The following TNR variants were observed in gnomAD, a reference collection of about 807,000 sequenced individuals.
TNR encodes the protein tenascin-R.
In TNR, 45 loss-of-function variants were observed where a neutral mutation model predicts 150.4. That is an observed-to-expected ratio of 0.30 (90% confidence interval 0.24 to 0.38). TNR has a LOEUF of 0.38. Ranked by LOEUF, TNR falls within the 10% of genes least tolerant of loss-of-function variation. The pLI, the probability that TNR is intolerant of heterozygous loss-of-function variation, is 1.00. For missense variants in TNR, 1,544 were observed against 1,759.1 expected, an observed-to-expected ratio of 0.88 and a Z score of 2.19; for synonymous variants, 687 against 678.4, an observed-to-expected ratio of 1.01 and a Z score of -0.20.
At chr1:175,328,192 T>C (rs1451416015) in intron 21 of TNR, among the ~76,000 whole-genome samples, 4 of 152,220 alleles carry the variant, frequency 2.6e-5, no homozygotes, top group Admixed American at 2.0e-4. Context: ...TTTTTAAAAC[T>C]AGACGATTAG....
At chr1:175,331,041 CTTT>C (rs1649763972) in intron 20 of TNR, among the ~76,000 whole-genome samples, 1 of 75,858 alleles carries the variant, frequency 1.3e-5, no homozygotes, top group Non-Finnish European at 2.8e-5. Flanking sequence ...TTCTTTCTTT[CTTT>C]CTTTCTTTCT....
chr1:175,437,110 T>A (rs1160407102), intron 2 of TNR, among the ~76,000 whole-genome samples: 1 of 152,154 alleles, frequency 6.6e-6, no homozygotes. Context: ...ATTCCAAAAC[T>A]GACCACATAG....
At chr1:175,430,106 T>G (rs1655195294) in intron 2 of TNR, among the ~76,000 whole-genome samples, 1 of 151,372 alleles carries the variant, frequency 6.6e-6, no homozygotes, top group Non-Finnish European at 1.5e-5. Flanking sequence ...ATATTATATC[T>G]ATTATCATTT....
At chr1:175,583,116 G>C (rs10913018) in intron 1 of TNR, among the ~76,000 whole-genome samples, 91 of 152,206 alleles carry the variant, frequency 6.0e-4, no homozygotes, top group African/African-American at 2.0e-3. Flanking sequence ...CAACATGATA[G>C]GTATGGGCAA....
chr1:175,348,042 A>G (rs151279266), intron 18 of TNR, among the ~76,000 whole-genome samples: 1 of 152,320 alleles, frequency 6.6e-6, no homozygotes, highest in Admixed American at 6.5e-5. Context: ...AGAATCAATA[A>G]GAGAGTTCAG....
intron 1 of TNR, among the ~76,000 whole-genome samples, chr1:175,534,967 C>T (rs1435017083): frequency 6.6e-6 from 1 of 152,162 alleles, no homozygotes; most frequent in Non-Finnish European, 1.5e-5. Context: ...TCTCTTGCCA[C>T]CATGTGAAGA....
At chr1:175,596,639 T>C (rs1170650095) in intron 1 of TNR, among the ~76,000 whole-genome samples, 1 of 152,132 alleles carries the variant, frequency 6.6e-6, no homozygotes, top group Non-Finnish European at 1.5e-5. Context: ...AAGAAACAAA[T>C]TCATTATATG....
intron 1 of TNR, among the ~76,000 whole-genome samples, chr1:175,632,147 T>C (rs1664347204): frequency 6.6e-6 from 1 of 152,244 alleles, no homozygotes; most frequent in African/African-American, 2.4e-5. Context: ...AGAGGGGCCA[T>C]TTAATGAGGA....
At chr1:175,371,531 A>G (rs944344070) in intron 9 of TNR, among the ~76,000 whole-genome samples, 8 of 152,248 alleles carry the variant, frequency 5.3e-5, no homozygotes, top group Admixed American at 5.2e-4. Flanking sequence ...AGCACCCATA[A>G]TATGCCTAGC....
At chr1:175,722,590 A>T (rs1667338137) in intron 1 of TNR, among the ~76,000 whole-genome samples, 1 of 151,572 alleles carries the variant, frequency 6.6e-6, no homozygotes. Context: ...TCAGCCTCCC[A>T]GGTAGCTGAG....
intron 2 of TNR, among the ~76,000 whole-genome samples, chr1:175,487,886 G>A (rs1658081349): frequency 6.6e-6 from 1 of 152,158 alleles, no homozygotes; most frequent in South Asian, 2.1e-4. Flanking sequence ...ATTTAATTAT[G>A]TCTCTATGAT....
intron 2 of TNR, among the ~76,000 whole-genome samples, chr1:175,427,104 G>A (rs1157557258): frequency 6.7e-6 from 1 of 150,060 alleles, no homozygotes. Context: ...ACAATGCCAT[G>A]CATTCTAATA....
At chr1:175,520,537 C>A (rs1051169938) in intron 2 of TNR, among the ~76,000 whole-genome samples, 1 of 152,214 alleles carries the variant, frequency 6.6e-6, no homozygotes, top group Admixed American at 6.5e-5. Flanking sequence ...TTAAACAATG[C>A]TGAGCCTTCT....
rs1021830870 is a variant in TNR at position 175,542,585 on chromosome 1, C to A, written c.-164-14216G>T. On this transcript the variant is annotated intron_variant, in intron 1 of 22. Coordinates refer to ENST00000367674, the MANE Select transcript of TNR (RefSeq NM_003285.3). ...AGGATAAAGGCATTTCCCACCCACA[C>A]CTCCAAGCAATGGAATTAACGTAAT... 5.3e-5 allele frequency among the ~76,000 whole-genome samples: 8 copies of A among 152,312 alleles called. No individual in the cohort carries two copies. The South Asian group carries it at 1.7e-3, about 32-fold the overall frequency.
chr1:175,528,547 A>G (rs1176813019), intron 1 of TNR, among the ~76,000 whole-genome samples, 178 bp from the exon 2 acceptor site: 1 of 152,212 alleles, frequency 6.6e-6, no homozygotes, highest in African/African-American at 2.4e-5. Context: ...AGAGACTTTC[A>G]TTTATTTCAT....
chr1:175,741,794 C>T (rs74129327), intron 1 of TNR, among the ~76,000 whole-genome samples: 1,613 of 152,266 alleles, frequency 0.011, 24 homozygotes, highest in African/African-American at 0.037. Context: ...GGAGAAGGGG[C>T]CCATTGTGCT....
At chr1:175,395,006 C>T (rs1018545888) in intron 5 of TNR, among the ~76,000 whole-genome samples, 10 of 152,060 alleles carry the variant, frequency 6.6e-5, no homozygotes, top group African/African-American at 2.4e-4. Flanking sequence ...ACCTGCCTCT[C>T]TGCACAATCA....
rs568734695 is a variant in TNR at position 175,458,556 on chromosome 1, C to T, written c.-63-51779G>A. Reference sequence around the variant, plus strand: ...TGTGGAGGTGAGCTGGAGCTGGGGTCTAGAGTAAGCAAGATTTGGCCTTTA... The same window carrying T: ...TGTGGAGGTGAGCTGGAGCTGGGGTTTAGAGTAAGCAAGATTTGGCCTTTA... On this transcript the variant is annotated intron_variant, in intron 2 of 22. Coordinates refer to ENST00000367674, the MANE Select transcript of TNR (RefSeq NM_003285.3). Among the ~76,000 whole-genome samples the T allele has an allele frequency of 8.5e-5, 13 of 152,224 alleles. No homozygotes were observed. The South Asian group carries it at 2.7e-3, about 32-fold the overall frequency.
rs972540817 is a variant in TNR, at chr1:175,698,791, C to T, written c.-165+44435G>A. Among the ~76,000 whole-genome samples, 10 of 151,370 alleles carry T rather than the reference C, an allele frequency of 6.6e-5. No individual in the cohort carries two copies. The East Asian group carries it at 9.7e-4, about 15-fold the overall frequency. On this transcript the variant is annotated intron_variant, in intron 1 of 22. Coordinates refer to ENST00000367674, the MANE Select transcript of TNR (RefSeq NM_003285.3). Reference sequence around the variant, plus strand: ...TGGAGGTTGCAGTGATCTGAGATCACGCCTGGGCAATAAAAGTAAGACTCT... The same window carrying T: ...TGGAGGTTGCAGTGATCTGAGATCATGCCTGGGCAATAAAAGTAAGACTCT...
Sources: allele counts gnomAD v4.1 joint callset (sites outside exome capture counted in the v4.1 genomes callset), GRCh38; gene constraint gnomAD v4.1.1; transcripts MANE v1.5; gene names NCBI Gene and HGNC (gene_info 2026-07-23, HGNC 2026-07-21).